Variants in CENPT observed in about 807,000 individuals in gnomAD.
CENPT encodes the protein interphase centromere complex protein 22.
CENPT carries 42 observed loss-of-function variants against 59.7 expected under a neutral mutation model. The observed-to-expected ratio is 0.70, with a 90% CI of 0.55 to 0.91. The LOEUF (loss-of-function observed/expected upper bound fraction) is 0.91, where lower values mean the gene tolerates loss of function less well. Among genes scored for constraint, CENPT ranks in the 40% least tolerant of loss-of-function variants. CENPT has a pLI of 0.00. For missense variants in CENPT, 716 were observed against 713.4 expected (o/e 1.00, Z -0.04); for synonymous variants, 295 against 289.6 (o/e 1.02, Z -0.19).
At chr16:67,829,682 A>C (rs1291079512) in intron 12 of CENPT, 83 bp downstream of exon 12, 3 of 1,481,982 alleles carry the variant, frequency 2.0e-6, no homozygotes, top group Non-Finnish European at 2.8e-6. Flanking sequence ...CAGTGCCCGG[A>C]AACACAACCC....
chr16:67,829,565 C>T, intron 12 of CENPT, 49 bp from the exon 13 acceptor site: 1 of 1,508,538 alleles, frequency 6.6e-7, no homozygotes, highest in Non-Finnish European at 9.0e-7. Flanking sequence ...CTGACCATCT[C>T]ACCCAGGCCA....
chr16:67,830,361 G>A (rs1315476721), intron 11 of CENPT, 29 bp downstream of exon 11: 10 of 1,582,946 alleles, frequency 6.3e-6, no homozygotes, highest in African/African-American at 1.4e-5. Context: ...GCTAAATTTG[G>A]CTCCAGGCCA....
chr16:67,841,507 T>G (rs565394841), intron 1 of CENPT: 1 of 152,264 alleles, frequency 6.6e-6, no homozygotes, highest in African/African-American at 2.4e-5. Flanking sequence ...TTTTTATTCC[T>G]GGCCCCCACC....
chr16:67,840,301 G>A (rs1444517931), intron 1 of CENPT, among the ~76,000 whole-genome samples: 2 of 152,128 alleles, frequency 1.3e-5, no homozygotes, highest in African/African-American at 4.8e-5. Context: ...CTGGGCAACA[G>A]AGCGAGACTC....
At chr16:67,834,803 T>C (rs2057724913) in intron 3 of CENPT, among the ~76,000 whole-genome samples, 1 of 152,194 alleles carries the variant, frequency 6.6e-6, no homozygotes, top group African/African-American at 2.4e-5. Context: ...TATTAATGTT[T>C]TCCCCATTAC....
In CENPT at chr16:67,830,254, C is replaced by T. The variant is rs773496107; in HGVS notation, c.862+136G>A. ...CTGAAGTCTCCTGGCCCAACATGGA[C>T]TCTGCTCTTGGATGAAGGAGGCAGC... On this transcript the variant is annotated intron_variant, in intron 11 of 15. Coordinates refer to ENST00000562787, the MANE Select transcript of CENPT (RefSeq NM_025082.4). 14 of 1,277,600 alleles carry T rather than the reference C, an allele frequency of 1.1e-5. No homozygotes were observed. In the Admixed American group the frequency reaches 2.6e-4, roughly 23 times the overall value. The allele number at this position is 1,277,600 out of a possible 1,614,324, so 79.1% of individuals were successfully genotyped here.
At position 67,843,409 on chromosome 16, in the gene CENPT, G is replaced by T. The variant is rs376467699; in HGVS notation, c.-492+3992C>A. On this transcript the variant is annotated intron_variant, in intron 1 of 15. Transcript: ENST00000562787. The surrounding 1 kb of genome is among the most constrained non-coding windows in gnomAD (Gnocchi z 5.7). ...AGATGAAAGGCAGCATTCGCCACCT[G>T]CGTCTCACTGAGGCCAAGCTGCGCG... 4.3e-6 allele frequency: 7 copies of T among 1,613,984 alleles called. No individual in the cohort carries two copies. Among genetic ancestry groups the T allele is most frequent in the Non-Finnish European group, 5.9e-6 (7 of 1,180,056 alleles).
In CENPT at chr16:67,828,782, C is replaced by T. The variant is rs771344477; in HGVS notation, c.1342G>A (p.Gly448Ser). Residue 448 changes from glycine (G) to serine (S), a missense_variant, in exon 14 of 16, where the codon GGC becomes AGC. Physicochemically the swap from Gly to Ser is moderately conservative, Grantham distance 56. Coordinates refer to ENST00000562787, the MANE Select transcript of CENPT (RefSeq NM_025082.4). ...VRHPPRPRTT[G>S]PRPRQDPHKA... The stretch of plus-strand genomic sequence containing the variant: ...TGGGGATCTTGCCGGGGCCTGGGGC[C>T]GGTGGTCCGGGGCCTAGGGGGATGC... The T allele has an allele frequency of 8.7e-5, 140 of 1,608,684 alleles. No homozygotes were observed. The Admixed American group carries it at 1.7e-3, about 19-fold the overall frequency.
At chr16:67,840,305 G>T (rs1448291594) in intron 1 of CENPT, among the ~76,000 whole-genome samples, 1 of 152,122 alleles carries the variant, frequency 6.6e-6, no homozygotes, top group Non-Finnish European at 1.5e-5. Flanking sequence ...GCAACAGAGC[G>T]AGACTCCGTC....
chr16:67,846,748 C>G (rs1424495018), intron 1 of CENPT: 3 of 152,450 alleles, frequency 2.0e-5, no homozygotes, highest in African/African-American at 7.2e-5. Flanking sequence ...GCCCCGGCAG[C>G]CTCCCTCCCT....
intron 1 of CENPT, among the ~76,000 whole-genome samples, chr16:67,839,545 G>C (rs2057750151): frequency 6.6e-6 from 1 of 151,996 alleles, no homozygotes; most frequent in African/African-American, 2.4e-5. Context: ...GGGCAACAGA[G>C]TGAGACATCG....
chr16:67,836,184 C>T (rs2057733946), intron 1 of CENPT, among the ~76,000 whole-genome samples: 1 of 151,832 alleles, frequency 6.6e-6, no homozygotes, highest in African/African-American at 2.4e-5. Context: ...CCTCAGCCTC[C>T]CAAGTAGCTG....
rs1396032290 is a variant in CENPT at position 67,834,094 on chromosome 16, T to A, written c.-235A>T. On this transcript the variant is annotated 5_prime_UTR_variant, in exon 4 of 16. An upstream open reading frame in the 5' UTR gains an earlier in-frame stop. Coordinates refer to ENST00000562787, the MANE Select transcript of CENPT (RefSeq NM_025082.4). ...AATGCAAGCAGCCCAAGTCTTGGCTTCTTCATCTGTAAATTGAGGTTGATA... is the reference window on the plus strand; with the variant it reads ...AATGCAAGCAGCCCAAGTCTTGGCTACTTCATCTGTAAATTGAGGTTGATA... 2 of 437,374 alleles carry A rather than the reference T, an allele frequency of 4.6e-6. No homozygotes were observed. The highest frequency in any genetic ancestry group is 4.1e-5 in the African/African-American group (2 of 48,678). 27.1% of individuals were successfully genotyped at this position (437,374 alleles called of 1,614,324 possible). A position where few individuals can be genotyped will look rare whatever the true frequency, so the allele number is the denominator to read the frequency against.
intron 11 of CENPT, 92 bp from the exon 12 acceptor site, chr16:67,830,180 C>A: frequency 7.4e-7 from 1 of 1,347,858 alleles, no homozygotes; most frequent in South Asian, 1.2e-5. Context: ...CAGACCCAGT[C>A]CTGCCCACTG....
chr16:67,832,474 C>T lies in CENPT; in HGVS notation c.182G>A (p.Gly61Glu). 6.2e-7 allele frequency: 1 copy of T among 1,614,170 alleles called. No individual in the cohort carries two copies. The highest frequency in any genetic ancestry group is 8.5e-7 in the Non-Finnish European group (1 of 1,180,036). ...LSGQTRTIAR[G>E]RSHGARSVGR... ...ACTTACCCTGGCTCCATGGGAACGC[C>T]CTCTGGCTATCGTCCTTGTTTGGCC... Residue 61 changes from glycine to glutamate, a missense_variant, in exon 5 of 16, where the codon GGG becomes GAG. Gly to Glu is a moderately conservative substitution (Grantham distance 98). Transcript: ENST00000562787.
intron 1 of CENPT, among the ~76,000 whole-genome samples, chr16:67,840,820 GC>G (rs1353222459): frequency 6.6e-6 from 1 of 151,664 alleles, no homozygotes; most frequent in Non-Finnish European, 1.5e-5. Flanking sequence ...GAACTGCCTG[GC>G]CCCTCCCTGG....
rs372243341 is a variant in CENPT at position 67,842,719 on chromosome 16, C to T, written c.-492+4682G>A. 6.9e-6 allele frequency: 11 copies of T among 1,605,526 alleles called. No homozygotes were observed. The highest frequency in any genetic ancestry group is 2.7e-5 in the African/African-American group (2 of 74,658). ...GGTGCTTCTCCACCTTCCAGCCCAC[C>T]ACAGGCCACCGTCTCTGCAGCGTTC... On this transcript the variant is annotated intron_variant, in intron 1 of 15. Coordinates refer to ENST00000562787, the MANE Select transcript of CENPT (RefSeq NM_025082.4). The surrounding 1 kb of genome is among the most constrained non-coding windows in gnomAD (Gnocchi z 4.9).
intron 10 of CENPT, 21 bp downstream of exon 10, chr16:67,831,195 C>A: frequency 6.2e-7 from 1 of 1,613,756 alleles, no homozygotes; most frequent in East Asian, 2.2e-5. Flanking sequence ...CAAAGGCCAG[C>A]AGGGGAAAAC....
Position 67,828,328 on chromosome 16 carries a change from T to A in CENPT, c.1625A>T (p.Glu542Val). The change falls in exon 16 of 16, where the codon GAG becomes GTG. Residue 542 changes from glutamate (E) to valine (V), a missense_variant. Glu to Val is a moderately radical substitution (Grantham distance 121). Transcript: ENST00000562787. ...HVLVERHLPLEYRQLLIPCAY... is the reference protein window; with the variant it reads ...HVLVERHLPLVYRQLLIPCAY... Reference sequence around the variant, plus strand: ...ACAGGGGATGAGCAGCTGCCGGTACTCCAGGGGCAGGTGCCGCTCCACTAG... The same window carrying A: ...ACAGGGGATGAGCAGCTGCCGGTACACCAGGGGCAGGTGCCGCTCCACTAG... 1 of 1,609,430 alleles carries A rather than the reference T, an allele frequency of 6.2e-7. No individual in the cohort carries two copies. The highest frequency in any genetic ancestry group is 1.3e-5 in the African/African-American group (1 of 74,914).
Sources: allele counts gnomAD v4.1 joint callset (sites outside exome capture counted in the v4.1 genomes callset), GRCh38; gene constraint gnomAD v4.1.1; non-coding constraint Gnocchi (gnomAD v3.1); transcripts MANE v1.5; gene names NCBI Gene and HGNC (gene_info 2026-07-23, HGNC 2026-07-21).